Variants in DOP1A observed in about 807,000 individuals in gnomAD.
DOP1A encodes the protein DOP1 leucine zipper like protein A.
DOP1A carries 90 observed loss-of-function variants against 267.6 expected under a neutral mutation model. The observed-to-expected ratio is 0.34, with a 90% CI of 0.28 to 0.40. DOP1A has a LOEUF of 0.40. Ranked by LOEUF, DOP1A falls within the 10% of genes least tolerant of loss-of-function variation. DOP1A has a pLI of 1.00. For missense variants in DOP1A, 2,437 were observed against 2,900.4 expected (o/e 0.84, Z 3.67); for synonymous variants, 932 against 999.1 (o/e 0.93, Z 1.27).
chr6:83,159,610 C>T, intron 36 of DOP1A, 186 bp from the exon 37 acceptor site: 1 of 689,526 alleles, frequency 1.5e-6, no homozygotes, highest in East Asian at 2.7e-5. Flanking sequence ...TTTTTGCATT[C>T]TCAAAGAAGA....
At chr6:83,147,079 G>T (rs1447469029) in intron 25 of DOP1A, among the ~76,000 whole-genome samples, 157 bp from the exon 26 acceptor site, 1 of 152,054 alleles carries the variant, frequency 6.6e-6, no homozygotes, top group African/African-American at 2.4e-5. Context: ...CCTACTGAGT[G>T]GAAGAGAACT....
In DOP1A at chr6:83,135,677, G is replaced by A. The variant is rs759915349; in HGVS notation, c.2929G>A (p.Gly977Arg). The A allele has an allele frequency of 1.9e-6, 3 of 1,613,536 alleles. No individual in the cohort carries two copies. Among genetic ancestry groups the A allele is most frequent in the African/African-American group, 1.3e-5 (1 of 74,930 alleles). The change falls in exon 20 of 39, where the codon GGA becomes AGA. Residue 977 changes from glycine (G) to arginine (R), a missense_variant. Gly to Arg is a moderately radical substitution (Grantham distance 125). Coordinates refer to ENST00000349129, the MANE Select transcript of DOP1A (RefSeq NM_015018.4). ...TCTCGATGGTTCTACTAGCTCTGTGGGACAAGCCTGGCTGAACCAAGTCCT... is the reference window on the plus strand; with the variant it reads ...TCTCGATGGTTCTACTAGCTCTGTGAGACAAGCCTGGCTGAACCAAGTCCT... The part of the protein sequence containing the change: ...NSLDGSTSSV[G>R]QAWLNQVLQR...
intron 12 of DOP1A, among the ~76,000 whole-genome samples, chr6:83,123,869 A>G (rs535265705): frequency 1.3e-5 from 2 of 152,156 alleles, no homozygotes; most frequent in South Asian, 4.1e-4. Context: ...TACATTCACA[A>G]ATGCACACAT....
In DOP1A at chr6:83,119,829, C is replaced by T. The variant is rs564967674; in HGVS notation, c.962C>T (p.Thr321Ile). ...GAAGAACATGCCACTTACTATTTCACTACCTTTTCAAAAGAATTATTAGTC... is the reference window on the plus strand; with the variant it reads ...GAAGAACATGCCACTTACTATTTCATTACCTTTTCAAAAGAATTATTAGTC... ...NPEEHATYYF[T>I]TFSKELLVQA... Residue 321 changes from threonine (T) to isoleucine (I), a missense_variant, in exon 9 of 39, where the codon ACT becomes ATT. By Grantham distance (89) the Thr-to-Ile change is moderately conservative (BLOSUM62 -1). Around this residue, in one of 9 missense-constraint regions of DOP1A, gnomAD observed 498 missense variants for 513.5 expected, o/e 0.97. Transcript: ENST00000349129. 1.2e-5 allele frequency: 19 copies of T among 1,612,716 alleles called. No homozygotes were observed. In the African/African-American group the frequency reaches 2.0e-4, roughly 17 times the overall value.
chr6:83,138,707 G>C lies in DOP1A; in HGVS notation c.4665G>C (p.Val1555=). The change falls in exon 21 of 39, where the codon GTG becomes GTC. Residue 1555 remains valine, a synonymous_variant. Coordinates refer to ENST00000349129, the MANE Select transcript of DOP1A (RefSeq NM_015018.4). ...EKMAGKNLVA[V]EEGFSEDSLI... ...TGGCAGGTAAGAACCTGGTTGCTGT[G>C]GAAGAAGGTTTCTCAGAGGACAGCC... The C allele has an allele frequency of 6.2e-7, 1 of 1,614,002 alleles. No individual in the cohort carries two copies. Among genetic ancestry groups the C allele is most frequent in the Non-Finnish European group, 8.5e-7 (1 of 1,179,946 alleles).
At chr6:83,136,840 A>C (rs1041124549) in intron 20 of DOP1A, among the ~76,000 whole-genome samples, 5 of 152,110 alleles carry the variant, frequency 3.3e-5, no homozygotes, top group African/African-American at 1.2e-4. Context: ...TTTGGTATGT[A>C]CTACTTTGTA....
intron 4 of DOP1A, among the ~76,000 whole-genome samples, chr6:83,105,815 C>G (rs1215187829): frequency 6.6e-6 from 1 of 152,178 alleles, no homozygotes; most frequent in Non-Finnish European, 1.5e-5. Flanking sequence ...TTTCCTTTCT[C>G]AAGGCAAGAT....
chr6:83,090,476 G>A (rs113614308), intron 1 of DOP1A, among the ~76,000 whole-genome samples: 419 of 152,230 alleles, frequency 2.8e-3, no homozygotes, highest in Non-Finnish European at 4.9e-3. Context: ...TGGAGAAGAG[G>A]CATGGTATAA....
chr6:83,145,985 C>G (rs942537869), intron 25 of DOP1A, among the ~76,000 whole-genome samples: 1 of 152,172 alleles, frequency 6.6e-6, no homozygotes, highest in African/African-American at 2.4e-5. Flanking sequence ...ATTTGCTTCT[C>G]TCAGTTGTTG....
chr6:83,120,863 A>G, intron 10 of DOP1A, 72 bp downstream of exon 10: 1 of 1,161,840 alleles, frequency 8.6e-7, no homozygotes, highest in Non-Finnish European at 1.2e-6. Flanking sequence ...AAAAAGAGTC[A>G]TCAGGGAAAT....
At chr6:83,134,738 A>G (rs1778617050) in intron 19 of DOP1A, among the ~76,000 whole-genome samples, 1 of 152,134 alleles carries the variant, frequency 6.6e-6, no homozygotes, top group Admixed American at 6.6e-5. Context: ...TAGCTGCCTG[A>G]GAGTGGTTTT....
intron 1 of DOP1A, among the ~76,000 whole-genome samples, chr6:83,088,075 T>C (rs1425206132): frequency 1.3e-5 from 2 of 152,132 alleles, no homozygotes; most frequent in African/African-American, 4.8e-5. Context: ...GGTTTCACCG[T>C]GTTAGCCAGG....
chr6:83,142,125 AG>A, intron 24 of DOP1A, 79 bp downstream of exon 24: 1 of 1,532,246 alleles, frequency 6.5e-7, no homozygotes. Context: ...CATATATTGC[AG>A]TGGGGCCGGG....
At chr6:83,141,496 G>C (rs1370531237) in intron 23 of DOP1A, among the ~76,000 whole-genome samples, 1 of 152,126 alleles carries the variant, frequency 6.6e-6, no homozygotes, top group Admixed American at 6.5e-5. Context: ...GGGTAAGGGT[G>C]GGAACCATTA....
intron 24 of DOP1A, among the ~76,000 whole-genome samples, chr6:83,143,091 T>A (rs915792056): frequency 5.3e-5 from 8 of 152,210 alleles, no homozygotes; most frequent in African/African-American, 1.9e-4. Context: ...AATCCTGGAC[T>A]ACTTAAAAGC....
At chr6:83,166,429 A>T in intron 38 of DOP1A, 1 of 702,020 alleles carries the variant, frequency 1.4e-6, no homozygotes, top group South Asian at 1.5e-5. Context: ...GGCCAAATGC[A>T]TTGTTGATGT....
intron 38 of DOP1A, among the ~76,000 whole-genome samples, chr6:83,163,898 T>C (rs1042090020): frequency 1.3e-5 from 2 of 151,750 alleles, no homozygotes; most frequent in African/African-American, 2.4e-5. Context: ...TTGTAAAATA[T>C]TGTCTTATAT....
At chr6:83,088,891 G>A (rs994768610) in intron 1 of DOP1A, among the ~76,000 whole-genome samples, 1 of 152,136 alleles carries the variant, frequency 6.6e-6, no homozygotes, top group African/African-American at 2.4e-5. Context: ...TCTGTTAGAT[G>A]GTAACAATTA....
At chr6:83,073,581 T>C (rs1330400927) in intron 1 of DOP1A, among the ~76,000 whole-genome samples, 1 of 152,228 alleles carries the variant, frequency 6.6e-6, no homozygotes, top group Non-Finnish European at 1.5e-5. Flanking sequence ...AAAATGAAAA[T>C]ATTATTTGGG....
Sources: allele counts gnomAD v4.1 joint callset (sites outside exome capture counted in the v4.1 genomes callset), GRCh38; gene constraint gnomAD v4.1.1; regional missense constraint gnomAD v4.1.1; transcripts MANE v1.5; gene names NCBI Gene and HGNC (gene_info 2026-07-23, HGNC 2026-07-21).